Variants in RABL6 observed in about 807,000 individuals in gnomAD.
RABL6 encodes RAB, member RAS oncogene family like 6, also known as rab-like protein 6.
In RABL6, 28 loss-of-function variants were observed where a neutral mutation model predicts 72.9. The ratio of observed to expected loss-of-function variants is 0.38; its 90% confidence interval spans 0.28 to 0.53. RABL6 has a LOEUF of 0.53. RABL6 is among the 20% of genes least tolerant of loss of function. RABL6 has a pLI of 0.80. For synonymous variants in RABL6, 477 were observed against 421.2 expected (o/e 1.13, Z -1.62); for missense variants, 1,029 against 1,008.4 (o/e 1.02, Z -0.28).
chr9:136,810,235 A>G (rs907831804), intron 1 of RABL6, among the ~76,000 whole-genome samples: 1 of 152,040 alleles, frequency 6.6e-6, no homozygotes, highest in African/African-American at 2.4e-5. Flanking sequence ...CCTTCTGAAA[A>G]GGCTCCCCGA....
At chr9:136,812,556 C>T (rs1848033708) in intron 1 of RABL6, among the ~76,000 whole-genome samples, 1 of 151,312 alleles carries the variant, frequency 6.6e-6, no homozygotes, top group South Asian at 2.1e-4. Context: ...GAGACTTCGT[C>T]TTAAAAAAAA....
At chr9:136,828,623 G>T (rs944096408) in intron 4 of RABL6, 77 bp downstream of exon 4, 2 of 1,491,148 alleles carry the variant, frequency 1.3e-6, no homozygotes, top group Middle Eastern at 2.3e-4. Context: ...CGCTTCACAC[G>T]CTTTTGACCC....
chr9:136,829,394 C>A lies in RABL6; in HGVS notation c.368C>A (p.Ala123Glu), dbSNP rs774650717. The A allele has an allele frequency of 5.1e-6, 8 of 1,567,814 alleles. 1 individual carries two copies. In the South Asian group the frequency reaches 7.1e-5, roughly 14 times the overall value. The part of the protein sequence containing the change: ...GLKMENDPQE[A>E]ESEMALDAEF... ...ACACCTGTTCCCTCCTGTCCCCAGG[C>A]GGAGTCTGAAATGGCCCTGGATGCT... is the stretch of plus-strand genomic sequence containing the variant. Residue 123 changes from alanine to glutamate, a missense_variant and splice_region_variant, in exon 5 of 15, where the codon GCG becomes GAG. Ala to Glu is a moderately radical substitution (Grantham distance 107). Transcript: ENST00000311502.
At chr9:136,811,582 C>T (rs1243014779) in intron 1 of RABL6, among the ~76,000 whole-genome samples, 5 of 150,242 alleles carry the variant, frequency 3.3e-5, no homozygotes, top group Non-Finnish European at 7.4e-5. Flanking sequence ...TGTGCCACTG[C>T]ACTCCAGCCT....
At position 136,831,786 on chromosome 9, in the gene RABL6, GA is replaced by G; in HGVS notation, c.527del (p.Asn176ThrfsTer39). ...VPTHVPVCVL[G>X]NYRDMGEHRV... is the part of the protein sequence containing the mutation. ...ACCCACGTGCCAGTGTGCGTGCTGG[GA>G]AACTACCGGGACATGGGCGAGCACC... On this transcript the variant is annotated frameshift_variant, in exon 6 of 15. Coordinates refer to ENST00000311502, the MANE Select transcript of RABL6 (RefSeq NM_024718.5). LOFTEE classifies it high-confidence loss of function. 1.2e-6 allele frequency: 2 copies of G among 1,613,474 alleles called. No individual in the cohort carries two copies. The highest frequency in any genetic ancestry group is 1.7e-6 in the Non-Finnish European group (2 of 1,179,822).
rs1385994487 is a variant in RABL6, at chr9:136,813,914, C to T, written c.130+5588C>T. Reference sequence around the variant, plus strand: ...ACAGGTGTGAGCCACTGCGCCACTGCGCCCAGCCAAAACACTTGTAATTCA... The same window carrying T: ...ACAGGTGTGAGCCACTGCGCCACTGTGCCCAGCCAAAACACTTGTAATTCA... On this transcript the variant is annotated intron_variant, in intron 1 of 14. Transcript: ENST00000311502. 4.7e-5 allele frequency: 15 copies of T among 321,332 alleles called. 1 individual carries two copies. The highest frequency in any genetic ancestry group is 3.5e-4 in the South Asian group (13 of 37,198). 19.9% of individuals were successfully genotyped at this position (321,332 alleles called of 1,614,324 possible). A position where few individuals can be genotyped will look rare whatever the true frequency, so the allele number is the denominator to read the frequency against.
intron 1 of RABL6, chr9:136,809,213 G>A (rs1847947806): frequency 6.4e-6 from 1 of 156,064 alleles, no homozygotes; most frequent in South Asian, 1.8e-4. Flanking sequence ...CCATGGTAAT[G>A]TAGAATTTTA....
At chr9:136,823,149 G>A (rs868356923) in intron 1 of RABL6, among the ~76,000 whole-genome samples, 1 of 151,432 alleles carries the variant, frequency 6.6e-6, no homozygotes, top group Non-Finnish European at 1.5e-5. Flanking sequence ...ATCCGCAGAA[G>A]CCTGGGGTGC....
intron 13 of RABL6, 129 bp from the exon 14 acceptor site, chr9:136,840,025 C>A: frequency 6.7e-7 from 1 of 1,483,770 alleles, no homozygotes; most frequent in Non-Finnish European, 9.3e-7. Flanking sequence ...GCAGTGTGGT[C>A]CTGTCCATCA....
At chr9:136,813,283 C>A in intron 1 of RABL6, 1 of 595,242 alleles carries the variant, frequency 1.7e-6, no homozygotes, top group Non-Finnish European at 3.1e-6. Context: ...ACTGTAAGTG[C>A]ATGCACACCC....
At chr9:136,837,181 G>A in intron 8 of RABL6, 165 bp from the exon 9 acceptor site, 2 of 831,910 alleles carry the variant, frequency 2.4e-6, no homozygotes, top group Non-Finnish European at 4.1e-6. Flanking sequence ...GGCTGGCACT[G>A]CTGCCCTTGG....
At chr9:136,828,639 A>G in intron 4 of RABL6, 93 bp downstream of exon 4, 3 of 1,376,328 alleles carry the variant, frequency 2.2e-6, no homozygotes, top group South Asian at 1.2e-5. Context: ...GACCCCAACC[A>G]CCCCAGTTAT....
At position 136,840,531 on chromosome 9, in the gene RABL6, G is replaced by A. The variant is rs979967996; in HGVS notation, c.*9G>A. On this transcript the variant is annotated 3_prime_UTR_variant, in exon 15 of 15. Transcript: ENST00000311502. ...ACTACGAGGAGCTCTAGGCCGGCGT[G>A]GGCAGTGGCCGCCCTGGGGCGGGGG... 1.7e-5 allele frequency: 26 copies of A among 1,543,786 alleles called. 1 individual carries two copies. The highest frequency in any genetic ancestry group is 1.5e-4 in the African/African-American group (11 of 72,854).
intron 1 of RABL6, among the ~76,000 whole-genome samples, chr9:136,816,328 C>G (rs1358472700): frequency 6.6e-6 from 1 of 151,608 alleles, no homozygotes; most frequent in South Asian, 2.1e-4. Context: ...TGGTCTCAAA[C>G]TCCTGGGCCC....
At chr9:136,835,617 C>T (rs1048032500) in intron 7 of RABL6, 125 bp from the exon 8 acceptor site, 58 of 792,494 alleles carry the variant, frequency 7.3e-5, no homozygotes, top group Admixed American at 1.4e-4. Flanking sequence ...TGCTGAGCAG[C>T]CAGCCCTGCA....
At chr9:136,819,840 A>C (rs905745411) in intron 1 of RABL6, among the ~76,000 whole-genome samples, 1 of 152,160 alleles carries the variant, frequency 6.6e-6, no homozygotes, top group African/African-American at 2.4e-5. Flanking sequence ...AGGCAGGAGG[A>C]TTGCTTGAGC....
Position 136,812,214 on chromosome 9 carries a change from A to G in RABL6, c.130+3888A>G, listed in dbSNP as rs1848026157. On this transcript the variant is annotated intron_variant, in intron 1 of 14. Transcript: ENST00000311502. ...AGCTCTGATACTGGCCTGGCCCAGGAGCTCGGACAACCAGAGTCCTCTCTG... is the reference window on the plus strand; with the variant it reads ...AGCTCTGATACTGGCCTGGCCCAGGGGCTCGGACAACCAGAGTCCTCTCTG... 2.0e-5 allele frequency among the ~76,000 whole-genome samples: 3 copies of G among 152,166 alleles called. No homozygotes were observed. In the South Asian group the frequency reaches 6.2e-4, roughly 32 times the overall value.
At chr9:136,837,201 G>A in intron 8 of RABL6, 145 bp from the exon 9 acceptor site, 1 of 936,508 alleles carries the variant, frequency 1.1e-6, no homozygotes, top group Non-Finnish European at 1.7e-6. Context: ...GAAGTGGATG[G>A]GGATGATGGC....
intron 1 of RABL6, among the ~76,000 whole-genome samples, chr9:136,813,782 A>T (rs1274850190): frequency 6.6e-6 from 1 of 151,802 alleles, no homozygotes; most frequent in African/African-American, 2.4e-5. Context: ...CACCCAGCTA[A>T]TTTTTTGTAT....
Sources: allele counts gnomAD v4.1 joint callset (sites outside exome capture counted in the v4.1 genomes callset), GRCh38; gene constraint gnomAD v4.1.1; transcripts MANE v1.5; gene names NCBI Gene and HGNC (gene_info 2026-07-23, HGNC 2026-07-21).